Variants in HHIP observed in about 807,000 individuals in gnomAD.
HHIP encodes hedgehog-interacting protein.
A neutral mutation model predicts 74.0 loss-of-function variants in HHIP; 12 were observed. That is an observed-to-expected ratio of 0.16 (90% confidence interval 0.10 to 0.26). The LOEUF (loss-of-function observed/expected upper bound fraction) is 0.26. Ranked by LOEUF, HHIP falls within the 10% of genes least tolerant of loss-of-function variation. The pLI, the probability that HHIP is intolerant of heterozygous loss-of-function variation, is 1.00. For missense variants in HHIP, 788 were observed against 845.0 expected (o/e 0.93, Z 0.84); for synonymous variants, 309 against 311.6 (o/e 0.99, Z 0.09).
intron 2 of HHIP, among the ~76,000 whole-genome samples, chr4:144,653,136 G>A (rs1728470109): frequency 6.6e-6 from 1 of 152,086 alleles, no homozygotes; most frequent in Admixed American, 6.6e-5. Context: ...CATAACATCA[G>A]CTTCAATATC....
At chr4:144,678,208 T>C (rs930996867) in intron 4 of HHIP, among the ~76,000 whole-genome samples, 1 of 152,194 alleles carries the variant, frequency 6.6e-6, no homozygotes, top group African/African-American at 2.4e-5. Context: ...AACAGAATTA[T>C]ATCAGGAACT....
At chr4:144,672,036 G>T (rs1435252525) in intron 4 of HHIP, among the ~76,000 whole-genome samples, 1 of 151,942 alleles carries the variant, frequency 6.6e-6, no homozygotes, top group Non-Finnish European at 1.5e-5. Context: ...GTCCTTTCTT[G>T]TTCTACAATT....
rs1005238719 is a variant in HHIP at position 144,744,769 on chromosome 4, A to C, written c.*6812A>C. 2 of 15,564 alleles carry C rather than the reference A, an allele frequency of 1.3e-4. No individual in the cohort carries two copies. The highest frequency in any genetic ancestry group is 2.7e-4 in the Non-Finnish European group (1 of 3,654). 1.0% of individuals were successfully genotyped at this position (15,564 alleles called of 1,614,324 possible). A position where few individuals can be genotyped will look rare whatever the true frequency, so the allele number is the denominator to read the frequency against. On this transcript the variant is annotated 3_prime_UTR_variant, in exon 13 of 13. Transcript: ENST00000296575. The stretch of plus-strand genomic sequence containing the variant: ...TATGTGCTGTAGAAAAGACAAGGAC[A>C]TTTACTAGGGGGGGATTGTGGGCCC...
chr4:144,701,561 C>T (rs1395407023), intron 4 of HHIP, among the ~76,000 whole-genome samples: 2 of 152,110 alleles, frequency 1.3e-5, no homozygotes, highest in Non-Finnish European at 2.9e-5. Flanking sequence ...CATATACAAA[C>T]TCATTGAGAG....
At chr4:144,655,548 T>C (rs1283608207) in intron 2 of HHIP, among the ~76,000 whole-genome samples, 3 of 152,172 alleles carry the variant, frequency 2.0e-5, no homozygotes, top group African/African-American at 7.2e-5. Flanking sequence ...ATAATCCTAT[T>C]GCTAAGAAGG....
chr4:144,697,860 T>G (rs1729863576), intron 4 of HHIP, among the ~76,000 whole-genome samples: 1 of 152,010 alleles, frequency 6.6e-6, no homozygotes, highest in Non-Finnish European at 1.5e-5. Flanking sequence ...TTCTAGAAAA[T>G]AGCCACTTCC....
chr4:144,716,920 T>C (rs111391490), intron 10 of HHIP, among the ~76,000 whole-genome samples: 2,957 of 131,020 alleles, frequency 0.023, 103 homozygotes, highest in African/African-American at 0.08. Flanking sequence ...GAGTTAGAGA[T>C]GAATGTTTAA....
At chr4:144,686,730 C>G (rs1729497233) in intron 4 of HHIP, among the ~76,000 whole-genome samples, 1 of 152,250 alleles carries the variant, frequency 6.6e-6, no homozygotes, top group East Asian at 1.9e-4. Context: ...CTACACGTCT[C>G]TAAGTGGAAA....
At chr4:144,656,928 A>T (rs1728574528) in intron 2 of HHIP, among the ~76,000 whole-genome samples, 1 of 152,188 alleles carries the variant, frequency 6.6e-6, no homozygotes, top group South Asian at 2.1e-4. Flanking sequence ...AAAGAAAAAT[A>T]ACTTTCCAAT....
intron 7 of HHIP, among the ~76,000 whole-genome samples, chr4:144,710,236 T>C (rs1730255537): frequency 6.6e-6 from 1 of 152,238 alleles, no homozygotes; most frequent in Admixed American, 6.5e-5. Context: ...AGTTTCTCTA[T>C]CTTCAAAGAA....
intron 2 of HHIP, 112 bp from the exon 3 acceptor site, chr4:144,658,678 A>C: frequency 1.2e-6 from 1 of 820,802 alleles, no homozygotes; most frequent in South Asian, 1.9e-5. Context: ...GGTTCTTCCT[A>C]AAATATCCAC....
At chr4:144,681,976 T>C (rs1025835649) in intron 4 of HHIP, among the ~76,000 whole-genome samples, 27 of 152,156 alleles carry the variant, frequency 1.8e-4, no homozygotes, top group South Asian at 4.1e-4. Context: ...AGCTAAAGCA[T>C]AGGGAGACAA....
rs555344134 is a variant in HHIP at position 144,706,801 on chromosome 4, C to T, written c.983+119C>T. On this transcript the variant is annotated intron_variant, in intron 5 of 12. Coordinates refer to ENST00000296575, the MANE Select transcript of HHIP (RefSeq NM_022475.3). ...AACCATAAGGTGGCAATAATTAAAT[C>T]ATTACCTCCATCTTGCTGAAAACTC... The T allele has an allele frequency of 1.8e-5, 15 of 854,894 alleles. No individual in the cohort carries two copies. In the African/African-American group the frequency reaches 2.6e-4, roughly 15 times the overall value. The allele number at this position is 854,894 out of a possible 1,614,324, so 53.0% of individuals were successfully genotyped here.
intron 4 of HHIP, among the ~76,000 whole-genome samples, chr4:144,699,533 A>G (rs1198201914): frequency 6.6e-6 from 1 of 152,132 alleles, no homozygotes; most frequent in South Asian, 2.1e-4. Flanking sequence ...GTTGTGGGGT[A>G]GGCTGAAAGT....
intron 11 of HHIP, among the ~76,000 whole-genome samples, chr4:144,722,019 G>A (rs1013980077): frequency 6.6e-5 from 10 of 152,030 alleles, no homozygotes; most frequent in African/African-American, 2.4e-4. Context: ...CACATCTTAT[G>A]GCAGGGCAGA....
rs868769637 is a variant in HHIP at position 144,706,566 on chromosome 4, C to A, written c.867C>A (p.Phe289Leu). Residue 289 changes from phenylalanine (F) to leucine (L), a missense_variant, in exon 5 of 13, where the codon TTC (phenylalanine) becomes TTA (leucine). By Grantham distance (22) the Phe-to-Leu change is conservative. Transcript: ENST00000296575. ...AAAGAGGACTGCTAAGCCTCGCATT[C>A]CATCCCAATTACAAGAAAAATGGAA... ...GDERGLLSLA[F>L]HPNYKKNGKL... The A allele has an allele frequency of 6.2e-7, 1 of 1,612,676 alleles. No homozygotes were observed. The highest frequency in any genetic ancestry group is 2.2e-5 in the East Asian group (1 of 44,796).
intron 4 of HHIP, 139 bp from the exon 5 acceptor site, chr4:144,706,392 A>C: frequency 3.2e-6 from 2 of 634,394 alleles, no homozygotes; most frequent in Non-Finnish European, 5.3e-6. Context: ...TTTTTTGTGC[A>C]GTAGGCAAGG....
At chr4:144,662,045 A>G (rs1028714949) in intron 4 of HHIP, among the ~76,000 whole-genome samples, 1 of 152,240 alleles carries the variant, frequency 6.6e-6, no homozygotes, top group African/African-American at 2.4e-5. Flanking sequence ...CAATTACATT[A>G]ATTGATGACT....
chr4:144,671,533 C>T lies in HHIP; in HGVS notation c.831+11695C>T, dbSNP rs974532889. Among the ~76,000 whole-genome samples the T allele has an allele frequency of 3.9e-5, 6 of 152,142 alleles. No individual in the cohort carries two copies. The East Asian group carries it at 7.7e-4, about 20-fold the overall frequency. ...TCAGAGCCTTTGATCTCTAATGGGT[C>T]GCATTCCTGTAATATCCCACCTCAG... On this transcript the variant is annotated intron_variant, in intron 4 of 12. Coordinates refer to ENST00000296575, the MANE Select transcript of HHIP (RefSeq NM_022475.3).
Sources: gnomAD v4.1 joint callset for allele counts (sites outside exome capture counted in the v4.1 genomes callset) on GRCh38, gnomAD v4.1.1 for gene constraint, MANE v1.5 for transcripts, NCBI Gene and HGNC (gene_info 2026-07-23, HGNC 2026-07-21) for gene names.